KIAA1217: variants seen among roughly 807,000 people sequenced by gnomAD.
KIAA1217 encodes the protein sickle tail protein homolog.
Under a neutral mutation model 163.9 loss-of-function variants are expected in KIAA1217, and 88 were observed. The ratio of observed to expected loss-of-function variants is 0.54; its 90% CI spans 0.45 to 0.64. The LOEUF (loss-of-function observed/expected upper bound fraction) is 0.64, where lower values mean the gene tolerates loss of function less well. Ranked by LOEUF, KIAA1217 falls within the 30% of genes least tolerant of loss-of-function variation. KIAA1217 has a pLI of 0.00. For synonymous variants in KIAA1217, 903 were observed against 923.1 expected, an observed-to-expected ratio of 0.98 and a Z score of 0.39; for missense variants, 2,372 against 2,475.0, an observed-to-expected ratio of 0.96 and a Z score of 0.88.
intron 1 of KIAA1217, among the ~76,000 whole-genome samples, chr10:23,709,185 T>C (rs1289511234): frequency 6.6e-6 from 1 of 152,096 alleles, no homozygotes; most frequent in Non-Finnish European, 1.5e-5. Context: ...ATATCTCCTC[T>C]CAGGTATTCG....
Position 23,695,090 on chromosome 10 carries a change from C to T in KIAA1217, c.-465C>T, listed in dbSNP as rs1368713732. The T allele has an allele frequency of 6.6e-6, 1 of 152,332 alleles. No individual in the cohort carries two copies. The highest frequency in any genetic ancestry group is 2.1e-4 in the South Asian group (1 of 4,838). 9.4% of individuals were successfully genotyped at this position (152,332 alleles called of 1,614,324 possible). A position where few individuals can be genotyped will look rare whatever the true frequency, so the allele number is the denominator to read the frequency against. ...CCCAGACTCGGGCCCCCGGCACGCT[C>T]GCCCGGGAGATACCCCTTCCCCCTC... On this transcript the variant is annotated 5_prime_UTR_variant, in exon 1 of 19. Coordinates refer to the KIAA1217 transcript ENST00000376462. The surrounding 1 kb of genome is among the most constrained non-coding windows in gnomAD (Gnocchi z 4.9).
chr10:24,057,968 T>C (rs955204466), intron 2 of KIAA1217, among the ~76,000 whole-genome samples: 1 of 152,246 alleles, frequency 6.6e-6, no homozygotes, highest in Admixed American at 6.5e-5. Context: ...TTCCATTAAA[T>C]CATTGCTGAG....
At chr10:24,509,182 A>G (rs1055745924) in intron 9 of KIAA1217, among the ~76,000 whole-genome samples, 6 of 152,212 alleles carry the variant, frequency 3.9e-5, no homozygotes, top group Non-Finnish European at 1.5e-5. Context: ...TCCACATCAT[A>G]TCTTTAGCAC....
chr10:23,892,393 A>G (rs908951013), intron 1 of KIAA1217, among the ~76,000 whole-genome samples: 33 of 151,894 alleles, frequency 2.2e-4, no homozygotes, highest in African/African-American at 7.5e-4. Flanking sequence ...CAGTACAGTA[A>G]ACTGGAAGGC....
chr10:24,079,702 C>T (rs746111667), intron 2 of KIAA1217, among the ~76,000 whole-genome samples: 1 of 152,140 alleles, frequency 6.6e-6, no homozygotes, highest in Non-Finnish European at 1.5e-5. Flanking sequence ...GGGAGGGCCA[C>T]CCCTGATGAT....
In KIAA1217 at chr10:23,839,754, T is replaced by C. The variant is rs149224664; in HGVS notation, c.-321+144520T>C. Among the ~76,000 whole-genome samples, 153 of 152,250 alleles carry C rather than the reference T, an allele frequency of 1.0e-3. 1 individual carries two copies. The East Asian group carries it at 0.028, about 28-fold the overall frequency. On this transcript the variant is annotated intron_variant, in intron 1 of 18. Transcript: ENST00000376462. ...ATCTCTGATGGCTCCCACAACTCTTTCTTCTTTTTCTCATCTTACAATAGA... is the reference window on the plus strand; with the variant it reads ...ATCTCTGATGGCTCCCACAACTCTTCCTTCTTTTTCTCATCTTACAATAGA...
intron 2 of KIAA1217, among the ~76,000 whole-genome samples, chr10:24,340,348 C>T (rs375163965): frequency 8.5e-5 from 13 of 152,246 alleles, no homozygotes; most frequent in South Asian, 2.1e-4. Context: ...ATAGGTCTCA[C>T]GAGATCTGAT....
intron 2 of KIAA1217, among the ~76,000 whole-genome samples, chr10:24,330,032 G>T (rs1282968600): frequency 2.0e-5 from 3 of 152,142 alleles, no homozygotes; most frequent in South Asian, 2.1e-4. Context: ...GGGCGTGGTG[G>T]CTCACACCTG....
At chr10:24,350,064 T>C (rs1181678028) in intron 2 of KIAA1217, among the ~76,000 whole-genome samples, 2 of 152,154 alleles carry the variant, frequency 1.3e-5, no homozygotes, top group African/African-American at 4.8e-5. Flanking sequence ...CATCCCTGGG[T>C]AAGGTGGTAT....
chr10:24,237,195 G>A (rs984060084), intron 2 of KIAA1217, among the ~76,000 whole-genome samples: 11 of 152,194 alleles, frequency 7.2e-5, no homozygotes, highest in African/African-American at 2.2e-4. Context: ...AGGAAAAATC[G>A]TCACTGGACT....
At chr10:23,969,293 C>G (rs12261394) in intron 1 of KIAA1217, among the ~76,000 whole-genome samples, 2,442 of 152,332 alleles carry the variant, frequency 0.016, 74 homozygotes, top group African/African-American at 0.056. Context: ...GCCTCGCCTC[C>G]CCAAGTGCTG....
At chr10:23,736,565 C>G (rs779487807) in intron 1 of KIAA1217, among the ~76,000 whole-genome samples, 8 of 152,150 alleles carry the variant, frequency 5.3e-5, no homozygotes, top group Non-Finnish European at 1.2e-4. Context: ...CTTTGTCACC[C>G]AGGCTGGGGT....
chr10:23,745,318 G>C (rs889357767), intron 1 of KIAA1217, among the ~76,000 whole-genome samples: 2 of 152,182 alleles, frequency 1.3e-5, no homozygotes, highest in Non-Finnish European at 2.9e-5. Context: ...TTATTTGAAA[G>C]CACATTATAT....
intron 3 of KIAA1217, among the ~76,000 whole-genome samples, chr10:24,414,878 T>A (rs2058099340): frequency 6.6e-6 from 1 of 152,180 alleles, no homozygotes; most frequent in African/African-American, 2.4e-5. Flanking sequence ...AGTAGCCATG[T>A]GTGATGCCTC....
chr10:24,053,418 A>AAT (rs150246948), intron 2 of KIAA1217, among the ~76,000 whole-genome samples: 27 of 151,450 alleles, frequency 1.8e-4, no homozygotes, highest in East Asian at 9.7e-4. Flanking sequence ...ATGCGTTATG[A>AAT]ATATATATAT....
At chr10:24,374,949 T>C (rs898052931) in intron 2 of KIAA1217, among the ~76,000 whole-genome samples, 3 of 152,118 alleles carry the variant, frequency 2.0e-5, no homozygotes, top group Admixed American at 1.3e-4. Context: ...CACACCTGGC[T>C]AATTTTTTAA....
chr10:24,219,830 C>T lies in KIAA1217; in HGVS notation c.275C>T (p.Ala92Val), dbSNP rs1013733207. The change falls in exon 2 of 21, where the codon GCG becomes GTG. Residue 92 changes from alanine to valine, a missense_variant. This residue lies in a region of KIAA1217 where 1,431 missense variants were observed against 1,470.3 expected (regional missense o/e 0.97). Transcript: ENST00000376454. ...QTSEMDRKRE[A>V]FLEHLKQKYP... ...TCTGAGATGGATCGGAAGAGAGAAG[C>T]GTTCCTAGAACATCTGAAGCAGAAG... The T allele has an allele frequency of 7.4e-6, 12 of 1,613,694 alleles. No homozygotes were observed. Among genetic ancestry groups the T allele is most frequent in the Middle Eastern group, 3.3e-4 (2 of 6,082 alleles).
chr10:24,364,689 A>G (rs189624266), intron 2 of KIAA1217, among the ~76,000 whole-genome samples: 1 of 152,248 alleles, frequency 6.6e-6, no homozygotes, highest in East Asian at 1.9e-4. Flanking sequence ...TGTAACAGGT[A>G]GACTAGGGGT....
At chr10:23,999,159 C>T (rs574129940) in intron 1 of KIAA1217, among the ~76,000 whole-genome samples, 67 of 152,130 alleles carry the variant, frequency 4.4e-4, no homozygotes, top group Non-Finnish European at 6.0e-4. Flanking sequence ...AAGCGGTTTG[C>T]ATGGTTGTAT....
Sources: gnomAD v4.1 joint callset for allele counts (sites outside exome capture counted in the v4.1 genomes callset) on GRCh38, gnomAD v4.1.1 for gene constraint, gnomAD v4.1.1 regional missense constraint, Gnocchi (gnomAD v3.1) non-coding constraint, MANE v1.5 for transcripts, NCBI Gene and HGNC (gene_info 2026-07-23, HGNC 2026-07-21) for gene names.